MACROD2: variants seen among roughly 807,000 people sequenced by gnomAD.
MACROD2 encodes the protein mono-ADP ribosylhydrolase 2.
MACROD2 carries 36 observed loss-of-function variants against 70.4 expected under a neutral mutation model. That is an observed-to-expected ratio of 0.51 (90% CI 0.39 to 0.68). The LOEUF (loss-of-function observed/expected upper bound fraction) is 0.68. MACROD2 is among the 30% of genes least tolerant of loss of function. The pLI is 0.00. For missense variants in MACROD2, 496 were observed against 538.4 expected (o/e 0.92, Z 0.78); for synonymous variants, 172 against 178.8 (o/e 0.96, Z 0.30).
chr20:14,293,303 C>G (rs1333558398), intron 3 of MACROD2, among the ~76,000 whole-genome samples: 1 of 151,476 alleles, frequency 6.6e-6, no homozygotes, highest in African/African-American at 2.4e-5. Context: ...AACAAACACT[C>G]AAATAAATAT....
At chr20:15,084,069 T>G (rs1047272917) in intron 5 of MACROD2, among the ~76,000 whole-genome samples, 3 of 77,366 alleles carry the variant, frequency 3.9e-5, no homozygotes, top group African/African-American at 8.2e-5. Flanking sequence ...GTTTTTTTTT[T>G]TTGTTTTTTT....
chr20:15,785,151 C>CAAAAAAAAAAAAAAAAAAAATAAA, intron 8 of MACROD2, among the ~76,000 whole-genome samples: 1 of 103,590 alleles, frequency 9.7e-6, no homozygotes, highest in Non-Finnish European at 2.1e-5. Flanking sequence ...GACTCCGTCT[C>CAAAAAAAAAAAAAAAAAAAATAAA]AAAAAAAAAA....
intron 13 of MACROD2, among the ~76,000 whole-genome samples, chr20:15,976,494 A>G (rs1049566648): frequency 3.9e-5 from 6 of 152,216 alleles, no homozygotes; most frequent in African/African-American, 1.4e-4. Flanking sequence ...GAAGAGGGAA[A>G]CATAAAGCTT....
intron 3 of MACROD2, among the ~76,000 whole-genome samples, chr20:14,350,994 A>G (rs891435280): frequency 3.9e-5 from 6 of 152,206 alleles, no homozygotes; most frequent in Admixed American, 3.9e-4. Context: ...AGGACAAATT[A>G]TTGAAGAGAC....
chr20:14,784,013 G>A (rs577331906), intron 5 of MACROD2, among the ~76,000 whole-genome samples: 9 of 152,198 alleles, frequency 5.9e-5, no homozygotes, highest in Non-Finnish European at 1.0e-4. Flanking sequence ...TAAAATGCAG[G>A]TACTAGCAGT....
intron 4 of MACROD2, among the ~76,000 whole-genome samples, chr20:14,608,794 G>T (rs1009409883): frequency 6.6e-6 from 1 of 152,264 alleles, no homozygotes; most frequent in African/African-American, 2.4e-5. Context: ...TGGGTAGAGG[G>T]ACTGGAGGAT....
intron 10 of MACROD2, 54 bp from the exon 11 acceptor site, chr20:15,933,222 A>C: frequency 6.5e-7 from 1 of 1,548,850 alleles, no homozygotes; most frequent in South Asian, 1.1e-5. Flanking sequence ...CCGTAAAGAG[A>C]TATTTCACAA....
chr20:14,386,383 G>A (rs1037244915), intron 3 of MACROD2, among the ~76,000 whole-genome samples: 2 of 152,110 alleles, frequency 1.3e-5, no homozygotes, highest in Admixed American at 6.6e-5. Context: ...CTTCTCTGAT[G>A]GCAATATAGT....
chr20:14,410,897 G>C (rs1414725202), intron 3 of MACROD2, among the ~76,000 whole-genome samples: 1 of 152,054 alleles, frequency 6.6e-6, no homozygotes, highest in African/African-American at 2.4e-5. Context: ...TCTTCTGGTA[G>C]AGACCAACCT....
At chr20:15,977,293 C>A (rs2066321369) in intron 13 of MACROD2, among the ~76,000 whole-genome samples, 1 of 152,190 alleles carries the variant, frequency 6.6e-6, no homozygotes, top group Admixed American at 6.5e-5. Flanking sequence ...ACCCAATAAA[C>A]AAACGTCAAT....
chr20:14,233,619 C>G (rs2081840103), intron 3 of MACROD2, among the ~76,000 whole-genome samples: 2 of 145,390 alleles, frequency 1.4e-5, no homozygotes, highest in Admixed American at 1.4e-4. Context: ...ATGGCCTGAA[C>G]CCGGGAGGCA....
intron 3 of MACROD2, among the ~76,000 whole-genome samples, chr20:14,200,253 T>C (rs2081468094): frequency 6.6e-6 from 1 of 152,124 alleles, no homozygotes; most frequent in South Asian, 2.1e-4. Flanking sequence ...TGGAGGCCAT[T>C]ATCCTTAGCA....
intron 13 of MACROD2, among the ~76,000 whole-genome samples, chr20:15,981,033 A>G (rs751013883): frequency 6.6e-6 from 1 of 152,206 alleles, no homozygotes; most frequent in Non-Finnish European, 1.5e-5. Context: ...ACTTATGGCT[A>G]TGCTTCGTTT....
intron 5 of MACROD2, among the ~76,000 whole-genome samples, chr20:15,021,116 ATACACGTG>A (rs2075168638): frequency 8.6e-6 from 1 of 116,074 alleles, no homozygotes; most frequent in African/African-American, 3.7e-5. Flanking sequence ...GTGTATGTGT[ATACACGTG>A]TGTATACACA....
chr20:14,959,104 C>A (rs1409917439), intron 5 of MACROD2, among the ~76,000 whole-genome samples: 1 of 151,950 alleles, frequency 6.6e-6, no homozygotes, highest in Non-Finnish European at 1.5e-5. Flanking sequence ...TCTTCTGGTG[C>A]CCCTGAATTC....
intron 3 of MACROD2, among the ~76,000 whole-genome samples, chr20:14,256,414 T>G (rs1292803761): frequency 6.6e-6 from 1 of 152,166 alleles, no homozygotes; most frequent in African/African-American, 2.4e-5. Flanking sequence ...TGACTATGTC[T>G]TATTTTCATG....
chr20:16,003,882 G>C (rs964860235), intron 15 of MACROD2, among the ~76,000 whole-genome samples: 2 of 152,120 alleles, frequency 1.3e-5, no homozygotes, highest in African/African-American at 2.4e-5. Context: ...TGTTGGCCAG[G>C]CTGGTCTCAA....
intron 5 of MACROD2, among the ~76,000 whole-genome samples, chr20:14,722,648 T>C (rs1972049210): frequency 6.6e-6 from 1 of 152,234 alleles, no homozygotes; most frequent in South Asian, 2.1e-4. Context: ...GAACAGCCTA[T>C]ATGTAGCCCT....
At chr20:14,884,133 A>C (rs1392478920) in intron 5 of MACROD2, 2 of 152,198 alleles carry the variant, frequency 1.3e-5, no homozygotes, top group Non-Finnish European at 2.9e-5. Flanking sequence ...TTAGGCAACC[A>C]CAACTGCTTA....
Sources: allele counts gnomAD v4.1 joint callset (sites outside exome capture counted in the v4.1 genomes callset), GRCh38; gene constraint gnomAD v4.1.1; transcripts MANE v1.5; gene names NCBI Gene and HGNC (gene_info 2026-07-23, HGNC 2026-07-21).